The following TAPT1 variants were observed in gnomAD, a reference collection of about 807,000 sequenced individuals.
The protein encoded by TAPT1 is transmembrane anterior posterior transformation 1.
In TAPT1, 28 loss-of-function variants were observed where a neutral mutation model predicts 65.6. That is an observed-to-expected ratio of 0.43 (90% CI 0.32 to 0.59). The LOEUF (loss-of-function observed/expected upper bound fraction) is 0.59, where lower values mean the gene tolerates loss of function less well. TAPT1 is among the 20% of genes least tolerant of loss of function. The probability of loss-of-function intolerance (pLI) is 0.09; values close to 1 mark genes in which losing one functional copy is unlikely to be tolerated. For missense variants in TAPT1, 563 were observed against 679.9 expected, an observed-to-expected ratio of 0.83 and a Z score of 1.91; for synonymous variants, 278 against 245.2, an observed-to-expected ratio of 1.13 and a Z score of -1.25.
chr4:16,206,835 A>C (rs1750374747), intron 2 of TAPT1, among the ~76,000 whole-genome samples: 1 of 152,224 alleles, frequency 6.6e-6, no homozygotes, highest in African/African-American at 2.4e-5. Flanking sequence ...TTATCTTTTA[A>C]ATACATTAAT....
chr4:16,179,272 T>G (rs1478376729), intron 8 of TAPT1: 1 of 249,690 alleles, frequency 4.0e-6, no homozygotes, highest in African/African-American at 2.3e-5. Context: ...TACTGAATAC[T>G]GCAGGCAAAC....
intron 4 of TAPT1, among the ~76,000 whole-genome samples, chr4:16,189,406 G>C (rs999610886): frequency 2.0e-5 from 3 of 152,310 alleles, no homozygotes; most frequent in Admixed American, 2.0e-4. Context: ...TGAGTCTTCA[G>C]GGTCTAAGAT....
At position 16,165,136 on chromosome 4, in the gene TAPT1, C is replaced by T. The variant is rs150016976; in HGVS notation, c.1474+1497G>A. ...CTTCAAGCTTTTAGTTTAGAAGAAC[C>T]CCCCTCTCCTGTCCCTCCAAACCCT... On this transcript the variant is annotated intron_variant, in intron 13 of 13. Coordinates refer to ENST00000405303, the MANE Select transcript of TAPT1 (RefSeq NM_153365.3). Among the ~76,000 whole-genome samples the T allele has an allele frequency of 2.2e-3, 335 of 152,214 alleles. 2 individuals carry two copies. The highest frequency in any genetic ancestry group is 3.4e-3 in the Non-Finnish European group (232 of 68,006).
intron 5 of TAPT1, among the ~76,000 whole-genome samples, chr4:16,187,452 C>G (rs942075887): frequency 1.9e-4 from 29 of 152,160 alleles, no homozygotes; most frequent in African/African-American, 6.3e-4. Context: ...GTATTACATA[C>G]AGAATAGTTA....
intron 5 of TAPT1, among the ~76,000 whole-genome samples, chr4:16,188,016 T>C (rs1726658691): frequency 6.6e-6 from 1 of 152,190 alleles, no homozygotes; most frequent in African/African-American, 2.4e-5. Flanking sequence ...TTCCAGCAGC[T>C]CAAAGAGTAA....
chr4:16,163,471 A>G lies in TAPT1; in HGVS notation c.1541T>C (p.Ile514Thr). Reference sequence around the variant, plus strand: ...ATTGCTTGTCACAAGTAATGGTATGATATTTTCCTTTTGATGAATAGGTTG... The same window carrying G: ...ATTGCTTGTCACAAGTAATGGTATGGTATTTTCCTTTTGATGAATAGGTTG... Reference protein sequence around the residue: ...TKQPIHQKENIIPLLVTSNSD... With the variant: ...TKQPIHQKENTIPLLVTSNSD... Residue 514 changes from isoleucine to threonine, a missense_variant, in exon 14 of 14, where the codon ATC becomes ACC. Transcript: ENST00000405303. The G allele has an allele frequency of 1.2e-6, 2 of 1,613,984 alleles. No homozygotes were observed. Among genetic ancestry groups the G allele is most frequent in the Non-Finnish European group, 1.7e-6 (2 of 1,179,880 alleles).
chr4:16,188,464 G>A, intron 4 of TAPT1, 109 bp from the exon 5 acceptor site: 1 of 842,594 alleles, frequency 1.2e-6, no homozygotes, highest in Non-Finnish European at 1.7e-6. Context: ...AATCCTAGTA[G>A]AAGGCAAGCT....
chr4:16,171,705 C>A (rs546368027), intron 11 of TAPT1, among the ~76,000 whole-genome samples: 1 of 152,288 alleles, frequency 6.6e-6, no homozygotes, highest in Non-Finnish European at 1.5e-5. Context: ...ACAGTCTCTA[C>A]AGGGTAATGT....
intron 3 of TAPT1, among the ~76,000 whole-genome samples, chr4:16,194,885 CTTCTTCTTCTTA>C (rs1189275828): frequency 1.1e-5 from 1 of 90,024 alleles, no homozygotes; most frequent in Non-Finnish European, 2.9e-5. Context: ...TCTTCTTCTT[CTTCTTCTTCTTA>C]TTTTTTGTAT....
chr4:16,209,918 G>C (rs1197147970), intron 2 of TAPT1, among the ~76,000 whole-genome samples: 1 of 152,154 alleles, frequency 6.6e-6, no homozygotes, highest in Non-Finnish European at 1.5e-5. Flanking sequence ...GGTGGGGTAT[G>C]GGACAGTGAG....
intron 1 of TAPT1, among the ~76,000 whole-genome samples, chr4:16,223,736 T>C (rs1258990038): frequency 1.3e-5 from 2 of 152,198 alleles, no homozygotes; most frequent in African/African-American, 4.8e-5. Context: ...CAAATATACA[T>C]ATCTAGTTTC....
chr4:16,176,521 C>T (rs868486536), intron 8 of TAPT1: 22 of 186,052 alleles, frequency 1.2e-4, no homozygotes, highest in Middle Eastern at 4.1e-3. Flanking sequence ...AATGGTGAAA[C>T]CCTGTCTCTA....
intron 1 of TAPT1, among the ~76,000 whole-genome samples, chr4:16,218,927 T>C (rs1751097745): frequency 6.6e-6 from 1 of 152,214 alleles, no homozygotes; most frequent in South Asian, 2.1e-4. Context: ...ACATAAATAC[T>C]GAGTGTTTTA....
intron 5 of TAPT1, 33 bp downstream of exon 5, chr4:16,188,187 T>G (rs1203657309): frequency 6.4e-7 from 1 of 1,566,562 alleles, no homozygotes; most frequent in Non-Finnish European, 8.6e-7. Flanking sequence ...ATGCATTAAC[T>G]GTCGGAAATT....
rs187240488 is a variant in TAPT1, at chr4:16,193,927, T to C, written c.450-2404A>G. Reference sequence around the variant, plus strand: ...TAATTATGAAAATAATTTTGATAACTAATTAAAGTAGAAAACTATACTTAG... The same window carrying C: ...TAATTATGAAAATAATTTTGATAACCAATTAAAGTAGAAAACTATACTTAG... On this transcript the variant is annotated intron_variant, in intron 3 of 13. Coordinates refer to ENST00000405303, the MANE Select transcript of TAPT1 (RefSeq NM_153365.3). 4.7e-5 allele frequency among the ~76,000 whole-genome samples: 7 copies of C among 149,112 alleles called. No individual in the cohort carries two copies. The East Asian group carries it at 1.3e-3, about 29-fold the overall frequency.
chr4:16,185,970 A>G (rs1748988297), intron 7 of TAPT1, among the ~76,000 whole-genome samples: 1 of 152,178 alleles, frequency 6.6e-6, no homozygotes, highest in Non-Finnish European at 1.5e-5. Flanking sequence ...GACTCTGAGC[A>G]TACTCCCTGG....
At chr4:16,215,110 T>C (rs1050068022) in intron 1 of TAPT1, among the ~76,000 whole-genome samples, 2 of 151,616 alleles carry the variant, frequency 1.3e-5, no homozygotes, top group African/African-American at 4.9e-5. Flanking sequence ...GCCAACATAG[T>C]GAAACCTATC....
chr4:16,165,692 T>G (rs1273940238), intron 13 of TAPT1, among the ~76,000 whole-genome samples: 1 of 152,028 alleles, frequency 6.6e-6, no homozygotes, highest in Non-Finnish European at 1.5e-5. Context: ...CTCCAAATCT[T>G]CCAACCCAGA....
chr4:16,169,958 A>T (rs976500491), intron 12 of TAPT1, among the ~76,000 whole-genome samples: 1 of 152,128 alleles, frequency 6.6e-6, no homozygotes. Context: ...CCCCTCCCTG[A>T]GTGAAGCTCC....
Sources: allele counts gnomAD v4.1 joint callset (sites outside exome capture counted in the v4.1 genomes callset), GRCh38; gene constraint gnomAD v4.1.1; transcripts MANE v1.5; gene names NCBI Gene and HGNC (gene_info 2026-07-23, HGNC 2026-07-21).